The following BMPER variants were observed in gnomAD, a reference collection of about 807,000 sequenced individuals.
The protein encoded by BMPER is BMP-binding endothelial regulator protein.
BMPER carries 45 observed loss-of-function variants against 87.3 expected under a neutral mutation model. The ratio of observed to expected loss-of-function variants is 0.52; its 90% CI spans 0.41 to 0.66. The LOEUF (loss-of-function observed/expected upper bound fraction) is 0.66. Among genes scored for constraint, BMPER ranks in the 30% least tolerant of loss-of-function variants. BMPER has a pLI of 0.00. For synonymous variants in BMPER, 326 were observed against 316.2 expected, an observed-to-expected ratio of 1.03 and a Z score of -0.33; for missense variants, 784 against 867.5, an observed-to-expected ratio of 0.90 and a Z score of 1.21.
chr7:34,101,824 C>A (rs1466007535), intron 13 of BMPER, among the ~76,000 whole-genome samples: 1 of 152,174 alleles, frequency 6.6e-6, no homozygotes, highest in Non-Finnish European at 1.5e-5. Flanking sequence ...CCCAGGACCC[C>A]CTCAGGTGGT....
intron 11 of BMPER, among the ~76,000 whole-genome samples, chr7:34,062,654 G>C (rs1454257059): frequency 6.6e-6 from 1 of 152,194 alleles, no homozygotes; most frequent in Non-Finnish European, 1.5e-5. Context: ...ATATCATAGA[G>C]TGCACTTACA....
At chr7:34,150,238 A>G (rs549580838) in intron 14 of BMPER, among the ~76,000 whole-genome samples, 1 of 152,320 alleles carries the variant, frequency 6.6e-6, no homozygotes, top group South Asian at 2.1e-4. Context: ...AGTTGCTAAA[A>G]AGGAATGAGT....
intron 4 of BMPER, 108 bp downstream of exon 4, chr7:33,966,669 GA>G (rs549199306): frequency 2.8e-6 from 3 of 1,052,896 alleles, no homozygotes; most frequent in Admixed American, 2.1e-5. Flanking sequence ...AAACAGAAAT[GA>G]AAAAAACAAT....
intron 6 of BMPER, among the ~76,000 whole-genome samples, chr7:34,015,320 G>A (rs750766319): frequency 2.6e-5 from 4 of 151,944 alleles, no homozygotes; most frequent in Non-Finnish European, 4.4e-5. Flanking sequence ...ATACTTCACA[G>A]TGTTGAGTGA....
At chr7:34,148,791 A>C (rs375127064) in intron 14 of BMPER, among the ~76,000 whole-genome samples, 4 of 152,282 alleles carry the variant, frequency 2.6e-5, no homozygotes, top group African/African-American at 9.6e-5. Flanking sequence ...ATAGCTATAG[A>C]ATAGTCAGGG....
rs1789186255 is a variant in BMPER at position 34,085,844 on chromosome 7, C to T, written c.1497C>T (p.Asn499=). 1 of 1,614,094 alleles carries T rather than the reference C, an allele frequency of 6.2e-7. No homozygotes were observed. The change falls in exon 13 of 15, where the codon AAC becomes AAT. Residue 499 remains asparagine, a synonymous_variant. Coordinates refer to ENST00000649409, the MANE Select transcript of BMPER (RefSeq NM_001365308.1). ...GCAAGCTCTGTGGTCTTTGTGGCAACTACAATGGACATAAACGTGATGACT... is the reference window on the plus strand; with the variant it reads ...GCAAGCTCTGTGGTCTTTGTGGCAATTACAATGGACATAAACGTGATGACT... The part of the protein sequence containing the change: ...LKGKLCGLCG[N]YNGHKRDDLI...
chr7:34,086,037 A>G lies in BMPER; in HGVS notation c.1690A>G (p.Lys564Glu), dbSNP rs1286080260. 2 of 1,613,962 alleles carry G rather than the reference A, an allele frequency of 1.2e-6. No homozygotes were observed. Among genetic ancestry groups the G allele is most frequent in the African/African-American group, 2.7e-5 (2 of 74,868 alleles). Reference sequence around the variant, plus strand: ...GGCCCATCGAGAATGCCAAAAGCTCAAATCCTGGGAGTTTCAGACCTGCCA... The same window carrying G: ...GGCCCATCGAGAATGCCAAAAGCTCGAATCCTGGGAGTTTCAGACCTGCCA... Reference protein sequence around the residue: ...LRAHRECQKLKSWEFQTCHST... With the variant: ...LRAHRECQKLESWEFQTCHST... Residue 564 changes from lysine to glutamate, a missense_variant, in exon 13 of 15, where the codon AAA (lysine) becomes GAA (glutamate). Transcript: ENST00000649409.
At chr7:34,116,980 A>C (rs1790133246) in intron 13 of BMPER, among the ~76,000 whole-genome samples, 1 of 150,872 alleles carries the variant, frequency 6.6e-6, no homozygotes, top group South Asian at 2.1e-4. Context: ...ACAAAGGGAG[A>C]CCCTGTCTCC....
In BMPER at chr7:34,047,167, G is replaced by GCA. The variant is rs1490954165; in HGVS notation, c.676+763_676+764dup. 2.0e-5 allele frequency among the ~76,000 whole-genome samples: 3 copies of GCA among 152,292 alleles called. No homozygotes were observed. In the East Asian group the frequency reaches 5.8e-4, roughly 29 times the overall value. On this transcript the variant is annotated intron_variant, in intron 7 of 14. Coordinates refer to ENST00000649409, the MANE Select transcript of BMPER (RefSeq NM_001365308.1). ...CCTTCCCTGGTGTCACAAGAGGGCT[G>GCA]CATGCATGTTGCCAGCTGAAAGGGG...
intron 2 of BMPER, among the ~76,000 whole-genome samples, chr7:33,936,302 G>C (rs573561704): frequency 6.6e-6 from 1 of 152,326 alleles, no homozygotes; most frequent in Non-Finnish European, 1.5e-5. Flanking sequence ...GGCACTGGTA[G>C]TGCTTGCTGT....
Position 34,153,235 on chromosome 7 carries a change from G to A in BMPER, c.2020G>A (p.Gly674Arg), listed in dbSNP as rs751399844. Residue 674 changes from glycine (G) to arginine (R), a missense_variant, in exon 15 of 15, where the codon GGA becomes AGA. Coordinates refer to ENST00000649409, the MANE Select transcript of BMPER (RefSeq NM_001365308.1). ...TCCAGCAAACTTGGTCCTTCACAAG[G>A]GAAGGTGCATCAAGCCAGTCCTTTG... ...HCPANLVLHK[G>R]RCIKPVLCPQ... The A allele has an allele frequency of 5.6e-6, 9 of 1,614,050 alleles. No individual in the cohort carries two copies. The highest frequency in any genetic ancestry group is 6.8e-6 in the Non-Finnish European group (8 of 1,179,988).
chr7:33,977,276 C>T (rs1785710834), intron 6 of BMPER, among the ~76,000 whole-genome samples: 1 of 144,956 alleles, frequency 6.9e-6, no homozygotes, highest in South Asian at 2.2e-4. Flanking sequence ...ATGGAGTACA[C>T]TAAAAAAAAA....
At chr7:33,956,842 C>T (rs1165980365) in intron 3 of BMPER, among the ~76,000 whole-genome samples, 3 of 152,102 alleles carry the variant, frequency 2.0e-5, no homozygotes, top group East Asian at 3.8e-4. Context: ...GGCTTCTGGT[C>T]AGCAGTAGGC....
At chr7:33,922,731 T>C (rs1237065413) in intron 2 of BMPER, among the ~76,000 whole-genome samples, 1 of 152,166 alleles carries the variant, frequency 6.6e-6, no homozygotes, top group Admixed American at 6.5e-5. Flanking sequence ...ACCTGTGATC[T>C]TGATCAAAGG....
chr7:34,054,280 C>CCA (rs1228775505), intron 8 of BMPER, among the ~76,000 whole-genome samples: 2 of 152,088 alleles, frequency 1.3e-5, no homozygotes, highest in African/African-American at 4.8e-5. Context: ...CTCTCTCTCT[C>CCA]CACACACACA....
intron 2 of BMPER, among the ~76,000 whole-genome samples, chr7:33,913,097 C>G (rs1455000232): frequency 6.6e-6 from 1 of 152,136 alleles, no homozygotes; most frequent in African/African-American, 2.4e-5. Flanking sequence ...CTGTAATAGA[C>G]TCAAACCCCT....
At chr7:33,938,993 C>G (rs1198629733) in intron 3 of BMPER, among the ~76,000 whole-genome samples, 2 of 152,072 alleles carry the variant, frequency 1.3e-5, no homozygotes, top group Admixed American at 6.6e-5. Flanking sequence ...CCACTGCACT[C>G]CAGCCTGGGT....
At chr7:34,081,002 T>C (rs547074850) in intron 12 of BMPER, among the ~76,000 whole-genome samples, 61 of 152,304 alleles carry the variant, frequency 4.0e-4, no homozygotes, top group African/African-American at 1.4e-3. Flanking sequence ...AATTTCTTTT[T>C]TTTTTCTATC....
chr7:34,046,310 G>A lies in BMPER; in HGVS notation c.581G>A (p.Gly194Asp). Residue 194 changes from glycine (G) to aspartate (D), a missense_variant, in exon 7 of 15, where the codon GGC becomes GAC. Physicochemically the swap from Gly to Asp is moderately conservative, Grantham distance 94. Coordinates refer to ENST00000649409, the MANE Select transcript of BMPER (RefSeq NM_001365308.1). ...TTTTTTTCTCTCTTTTCTTAGGGAGGCAGGACACAATGTGTGAGAGAAGTC... is the reference window on the plus strand; with the variant it reads ...TTTTTTTCTCTCTTTTCTTAGGGAGACAGGACACAATGTGTGAGAGAAGTC... ...SKCTKCSCTG[G>D]RTQCVREVCP... 6.2e-7 allele frequency: 1 copy of A among 1,613,454 alleles called. No individual in the cohort carries two copies. Among genetic ancestry groups the A allele is most frequent in the Non-Finnish European group, 8.5e-7 (1 of 1,179,542 alleles).
Sources: allele counts gnomAD v4.1 joint callset (sites outside exome capture counted in the v4.1 genomes callset), GRCh38; gene constraint gnomAD v4.1.1; transcripts MANE v1.5; gene names NCBI Gene and HGNC (gene_info 2026-07-23, HGNC 2026-07-21).